Variants in LYST observed in about 807,000 individuals in gnomAD.
The protein encoded by LYST is lysosomal trafficking regulator, also known as lysosomal-trafficking regulator.
Under a neutral mutation model 413.6 loss-of-function variants are expected in LYST, and 192 were observed. The observed-to-expected ratio is 0.46, with a 90% CI of 0.41 to 0.52. The LOEUF (loss-of-function observed/expected upper bound fraction) is 0.52, where lower values mean the gene tolerates loss of function less well. Ranked by LOEUF, LYST falls within the 20% of genes least tolerant of loss-of-function variation. LYST has a pLI of 0.00. For missense variants in LYST, 3,815 were observed against 4,499.9 expected (o/e 0.85, Z 4.35); for synonymous variants, 1,525 against 1,567.3 (o/e 0.97, Z 0.64).
intron 20 of LYST, among the ~76,000 whole-genome samples, chr1:235,768,759 T>C (rs115527309): frequency 6.6e-6 from 1 of 152,030 alleles, no homozygotes; most frequent in African/African-American, 2.4e-5. Flanking sequence ...TTAATGAAAA[T>C]TGGCCAATAT....
Position 235,842,717 on chromosome 1 carries a change from C to A in LYST, c.-97-9050G>T, listed in dbSNP as rs112572157. Among the ~76,000 whole-genome samples, 1,452 of 152,270 alleles carry A rather than the reference C, an allele frequency of 9.5e-3. 36 individuals carry two copies. Among genetic ancestry groups the A allele is most frequent in the African/African-American group, 0.032 (1,310 of 41,530 alleles). On this transcript the variant is annotated intron_variant, in intron 1 of 52. Coordinates refer to ENST00000389793, the MANE Select transcript of LYST (RefSeq NM_000081.4). ...AGAGTACTGGTTCCCTGGATTATTT[C>A]CTTTACCTTCTGGAAATGAAATGGT...
chr1:235,703,056 AC>A, intron 44 of LYST, 79 bp from the exon 45 acceptor site: 3 of 1,056,402 alleles, frequency 2.8e-6, no homozygotes, highest in Non-Finnish European at 4.4e-6. Flanking sequence ...GGGAAAAACA[AC>A]ACTTTGTTTT....
chr1:235,855,322 T>C (rs1485661896), intron 1 of LYST, among the ~76,000 whole-genome samples: 1 of 152,182 alleles, frequency 6.6e-6, no homozygotes, highest in Non-Finnish European at 1.5e-5. Flanking sequence ...ATTTTAATAT[T>C]CAAATACCTT....
chr1:235,746,421 C>T lies in LYST; in HGVS notation c.7887G>A (p.Glu2629=). 6.2e-7 allele frequency: 1 copy of T among 1,613,946 alleles called. No homozygotes were observed. The highest frequency in any genetic ancestry group is 8.5e-7 in the Non-Finnish European group (1 of 1,179,910). Residue 2629 remains glutamate, a synonymous_variant, in exon 29 of 53, where the codon GAG becomes GAA. Transcript: ENST00000389793. Reference sequence around the variant, plus strand: ...CCGTTTCAGTTGCTTGGCTAGGGTTCTCTTGGCTCATTCTCCGTTGCATCA... The same window carrying T: ...CCGTTTCAGTTGCTTGGCTAGGGTTTTCTTGGCTCATTCTCCGTTGCATCA... ...HVMMQRRMSQ[E]NPSQATETEL...
At chr1:235,737,958 T>TTAAA in intron 31 of LYST, 7 of 1,280,900 alleles carry the variant, frequency 5.5e-6, no homozygotes, top group East Asian at 6.2e-5. Context: ...CCGCCGGACG[T>TTAAA]GCATTCTCGA....
intron 28 of LYST, chr1:235,747,205 G>A (rs778750417): frequency 7.1e-5 from 32 of 450,276 alleles, no homozygotes; most frequent in Non-Finnish European, 1.3e-4. Context: ...AGTGCATCCA[G>A]GAGAAAACTG....
intron 31 of LYST, chr1:235,738,619 C>T: frequency 4.4e-6 from 7 of 1,608,302 alleles, no homozygotes; most frequent in Non-Finnish European, 5.9e-6. Context: ...GCAAATGTTA[C>T]TGGTGTCTCC....
chr1:235,664,171 C>CAGTA lies in LYST; in HGVS notation c.11196-120_11196-117dup. ...GGAAGGAAATGTAACAAACAATTAA[C>CAGTA]AGTAGTTCCCTCTAGGGAGTTTGCA... On this transcript the variant is annotated intron_variant, in intron 51 of 52. Transcript: ENST00000389793. The surrounding 1 kb of genome is among the most constrained non-coding windows in gnomAD (Gnocchi z 4.5). The CAGTA allele has an allele frequency of 1.1e-6, 1 of 880,034 alleles. No individual in the cohort carries two copies. Among genetic ancestry groups the CAGTA allele is most frequent in the East Asian group, 2.4e-5 (1 of 41,452 alleles). 54.5% of individuals were successfully genotyped at this position (880,034 alleles called of 1,614,324 possible). A position where few individuals can be genotyped will look rare whatever the true frequency, so the allele number is the denominator to read the frequency against.
In LYST at chr1:235,793,533, C is replaced by G; in HGVS notation, c.4086G>C (p.Leu1362Phe). The G allele has an allele frequency of 6.3e-7, 1 of 1,584,034 alleles. No homozygotes were observed. Among genetic ancestry groups the G allele is most frequent in the Non-Finnish European group, 8.6e-7 (1 of 1,156,200 alleles). ...AAGGAGATTTCTCCAGAAATATTCT[C>G]AAAAGAAGGGTTAGCTCTTCTGAAC... is the stretch of plus-strand genomic sequence containing the variant. Reference protein sequence around the residue: ...RTCSEELTLLLRIFLEKSPCT... With the variant: ...RTCSEELTLLFRIFLEKSPCT... The change falls in exon 11 of 53, where the codon TTG becomes TTC. Residue 1362 changes from leucine to phenylalanine, a missense_variant. Leu to Phe is a conservative substitution (Grantham distance 22, BLOSUM62 0). Transcript: ENST00000389793.
rs143085071 is a variant in LYST at position 235,830,692 on chromosome 1, T to A, written c.-7-268A>T. 1.6e-4 allele frequency among the ~76,000 whole-genome samples: 24 copies of A among 152,266 alleles called. No homozygotes were observed. In the East Asian group the frequency reaches 4.6e-3, roughly 29 times the overall value. On this transcript the variant is annotated intron_variant, in intron 2 of 52. Transcript: ENST00000389793. ...AGTAACAGCACCTGGATGGAAAACA[T>A]TTTCTCTTTTTAAGAGAGAAGACTT...
Position 235,775,046 on chromosome 1 carries a change from G to C in LYST, c.5501C>G (p.Ala1834Gly). ...LSSCEETQAL[A>G]LRVILSLIKY... Reference sequence around the variant, plus strand: ...AATTAATGAGAGTATAACTCGCAGTGCTAATGCTTGAGTTTCTTCACAGCT... The same window carrying C: ...AATTAATGAGAGTATAACTCGCAGTCCTAATGCTTGAGTTTCTTCACAGCT... Residue 1834 changes from alanine (A) to glycine (G), a missense_variant, in exon 18 of 53, where the codon GCA (alanine) becomes GGA (glycine). Physicochemically the swap from Ala to Gly is moderately conservative, Grantham distance 60. Around this residue, in one of 4 missense-constraint regions of LYST, gnomAD observed 530 missense variants for 696.5 expected, o/e 0.76. Coordinates refer to ENST00000389793, the MANE Select transcript of LYST (RefSeq NM_000081.4). The C allele has an allele frequency of 6.2e-7, 1 of 1,611,674 alleles. No homozygotes were observed. The highest frequency in any genetic ancestry group is 1.3e-5 in the African/African-American group (1 of 74,936).
chr1:235,770,122 G>C (rs763994529), intron 20 of LYST, 38 bp downstream of exon 20: 1 of 1,602,792 alleles, frequency 6.2e-7, no homozygotes, highest in Non-Finnish European at 8.5e-7. Context: ...AAACAACTGT[G>C]GAATATATTT....
intron 20 of LYST, 87 bp downstream of exon 20, chr1:235,770,073 T>C (rs1429421240): frequency 5.4e-6 from 7 of 1,290,018 alleles, no homozygotes; most frequent in Admixed American, 3.6e-5. Context: ...AAAAGTCCCA[T>C]TGAAAGTGCC....
chr1:235,690,980 A>G (rs1024620669), intron 47 of LYST, among the ~76,000 whole-genome samples: 1 of 151,148 alleles, frequency 6.6e-6, no homozygotes, highest in Non-Finnish European at 1.5e-5. Context: ...GCAGTGGTGC[A>G]ATCTTGGCTC....
Position 235,724,170 on chromosome 1 carries a change from C to T in LYST, c.9173G>A (p.Gly3058Glu), listed in dbSNP as rs2103176818. Residue 3058 changes from glycine (G) to glutamate (E), a missense_variant, in exon 39 of 53, where the codon GGA becomes GAA. Physicochemically the swap from Gly to Glu is moderately conservative, Grantham distance 98. Around this residue, in one of 4 missense-constraint regions of LYST, gnomAD observed 866 missense variants for 1,156.0 expected, o/e 0.75. Transcript: ENST00000389793. ...GGAAAATGATGCTGGTTCCAACTCT[C>T]CCTGAAGGCTCTAAGACAAAGAAAT... Reference protein sequence around the residue: ...SDTVESSSLQGELEPASFSWT... With the variant: ...SDTVESSSLQEELEPASFSWT... 6.2e-7 allele frequency: 1 copy of T among 1,613,604 alleles called. No homozygotes were observed. The highest frequency in any genetic ancestry group is 1.1e-5 in the South Asian group (1 of 91,066).
At chr1:235,851,011 A>C (rs1342151610) in intron 1 of LYST, among the ~76,000 whole-genome samples, 3 of 152,164 alleles carry the variant, frequency 2.0e-5, no homozygotes, top group African/African-American at 7.2e-5. Flanking sequence ...TGGATCTAGC[A>C]ATCCCACTAC....
intron 14 of LYST, among the ~76,000 whole-genome samples, chr1:235,785,293 T>C (rs1670302584): frequency 6.6e-6 from 1 of 152,232 alleles, no homozygotes; most frequent in Admixed American, 6.5e-5. Flanking sequence ...GGCCTCACAG[T>C]ATTTTTCATC....
At chr1:235,738,081 G>C in intron 31 of LYST, 2 of 1,603,290 alleles carry the variant, frequency 1.2e-6, no homozygotes, top group Non-Finnish European at 1.7e-6. Flanking sequence ...AGTTGTTGGG[G>C]TTGGTGCTCT....
intron 50 of LYST, among the ~76,000 whole-genome samples, chr1:235,666,691 T>C (rs561209220): frequency 3.3e-4 from 50 of 152,186 alleles, no homozygotes; most frequent in African/African-American, 1.1e-3. Context: ...TATCTAAATA[T>C]AGCATCAAGA....
Sources: allele counts gnomAD v4.1 joint callset (sites outside exome capture counted in the v4.1 genomes callset), GRCh38; gene constraint gnomAD v4.1.1; regional missense constraint gnomAD v4.1.1; non-coding constraint Gnocchi (gnomAD v3.1); transcripts MANE v1.5; gene names NCBI Gene and HGNC (gene_info 2026-07-23, HGNC 2026-07-21).